Variants in ACKR5 observed in about 807,000 individuals in gnomAD.
ACKR5 encodes the protein atypical chemokine receptor 5.
the ACKR5 span, chr12:56,996,360 A>C: frequency 1.2e-6 from 2 of 1,613,464 alleles, no homozygotes; most frequent in Non-Finnish European, 1.7e-6. Context: ...CTGAGCTTTC[A>C]GGCACACCAT....
At chr12:56,996,414 C>T in the ACKR5 span, 9 of 1,580,446 alleles carry the variant, frequency 5.7e-6, 1 homozygote. Context: ...CAGCCTCTTA[C>T]ACCCAGCTGA....
the ACKR5 span, chr12:56,995,437 C>A: frequency 6.2e-7 from 1 of 1,614,080 alleles, no homozygotes; most frequent in African/African-American, 1.3e-5. The surrounding 1 kb of genome is among the most constrained non-coding windows in gnomAD (Gnocchi z 4.7). Flanking sequence ...TGGTGATATG[C>A]GTCAACTGGC....
chr12:56,997,907 A>AT, the ACKR5 span: 1 of 152,248 alleles, frequency 6.6e-6, no homozygotes, highest in East Asian at 1.9e-4. Context: ...GGAAACCTGC[A>AT]TCTCCCTGTT....
At chr12:56,998,560 A>C in the ACKR5 span, 6 of 152,228 alleles carry the variant, frequency 3.9e-5, no homozygotes, top group East Asian at 1.2e-3. Flanking sequence ...CGTTAGTCCA[A>C]CTAGACACGG....
the ACKR5 span, chr12:56,996,676 TAGCCA>T: frequency 1.8e-5 from 8 of 449,678 alleles, no homozygotes; most frequent in Admixed American, 7.9e-5. Flanking sequence ...ATGGAAGAGA[TAGCCA>T]TGGACTCTGG....
the ACKR5 span, chr12:56,994,757 CGTGTGTGT>C: frequency 5.7e-6 from 1 of 174,276 alleles, no homozygotes; most frequent in Non-Finnish European, 1.2e-5. Flanking sequence ...GTGTGGTGTG[CGTGTGTGT>C]GTGTGTGTTC....
chr12:56,996,007 CT>C, the ACKR5 span: 1 of 1,610,354 alleles, frequency 6.2e-7, no homozygotes. Context: ...ACGTGGCCGT[CT>C]TTGTCATGTG....
the ACKR5 span, chr12:56,997,996 GA>G: frequency 1.3e-5 from 2 of 152,220 alleles, no homozygotes. Context: ...TTTGAACCAG[GA>G]GTCTGGGTTG....
At chr12:56,996,076 C>T in the ACKR5 span, 2 of 1,613,054 alleles carry the variant, frequency 1.2e-6, no homozygotes, top group South Asian at 2.2e-5. Flanking sequence ...CCCACATCTC[C>T]CTCCACTGCC....
chr12:56,996,226 T>G, the ACKR5 span: 3 of 1,614,082 alleles, frequency 1.9e-6, no homozygotes, highest in South Asian at 3.3e-5. Context: ...TCCATTACCT[T>G]CCTAAGGACC....
the ACKR5 span, chr12:56,998,569 G>A: frequency 4.6e-5 from 7 of 152,304 alleles, no homozygotes; most frequent in Admixed American, 3.9e-4. Flanking sequence ...AACTAGACAC[G>A]GGCAGGGACC....
chr12:56,996,481 G>T, the ACKR5 span: 1 of 1,470,040 alleles, frequency 6.8e-7, no homozygotes, highest in South Asian at 1.4e-5. Context: ...GAGTATAGGT[G>T]GGAGATTTGG....
chr12:56,995,302 G>C, the ACKR5 span: 5 of 1,614,190 alleles, frequency 3.1e-6, no homozygotes, highest in South Asian at 1.1e-5. This position sits in a 1 kb window ranked among gnomAD's most constrained non-coding sequence, Gnocchi z 4.7. Flanking sequence ...ACTGGACCGA[G>C]CTGCTTGACC....
At chr12:56,996,154 C>T in the ACKR5 span, 1 of 1,614,108 alleles carries the variant, frequency 6.2e-7, no homozygotes, top group Non-Finnish European at 8.5e-7. Context: ...ACTGTGTCAT[C>T]AACCCCATCC....
chr12:56,995,945 C>G, the ACKR5 span: 3 of 1,612,118 alleles, frequency 1.9e-6, no homozygotes, highest in Non-Finnish European at 2.5e-6. This position sits in a 1 kb window ranked among gnomAD's most constrained non-coding sequence, Gnocchi z 4.7. Flanking sequence ...CTGCCGGCTG[C>G]GGCAGCCAGG....
At chr12:56,995,550 C>G in the ACKR5 span, 1 of 1,614,076 alleles carries the variant, frequency 6.2e-7, no homozygotes, top group Non-Finnish European at 8.5e-7. The surrounding 1 kb of genome is among the most constrained non-coding windows in gnomAD (Gnocchi z 4.7). Flanking sequence ...CTGGAGGTCA[C>G]GCTGGACTAC....
At chr12:56,996,723 T>C in the ACKR5 span, 1 of 325,558 alleles carries the variant, frequency 3.1e-6, no homozygotes, top group Non-Finnish European at 5.7e-6. Flanking sequence ...CCAGCTGGGA[T>C]TGGGAAGGGA....
the ACKR5 span, chr12:56,994,537 A>G: frequency 6.5e-6 from 1 of 153,126 alleles, no homozygotes; most frequent in African/African-American, 2.4e-5. Context: ...CCGTGAAGCC[A>G]GCAGGGAAGC....
chr12:56,995,307 T>C, the ACKR5 span: 92 of 1,614,230 alleles, frequency 5.7e-5, no homozygotes, highest in Non-Finnish European at 7.5e-5. This position sits in a 1 kb window ranked among gnomAD's most constrained non-coding sequence, Gnocchi z 4.7. Context: ...ACCGAGCTGC[T>C]TGACCTCTTC....
Sources: allele counts gnomAD v4.1 joint callset, GRCh38; gene constraint gnomAD v4.1.1; non-coding constraint Gnocchi (gnomAD v3.1); transcripts MANE v1.5; gene names NCBI Gene and HGNC (gene_info 2026-07-23, HGNC 2026-07-21).